The following DNAH6 variants were observed in gnomAD, a reference collection of about 807,000 sequenced individuals.
DNAH6 encodes the protein dynein axonemal heavy chain 6, also known as axonemal beta dynein heavy chain 6.
In DNAH6, 340 loss-of-function variants were observed where a neutral mutation model predicts 491.4. That is an observed-to-expected ratio of 0.69 (90% CI 0.63 to 0.76). DNAH6 has a LOEUF of 0.76. Among genes scored for constraint, DNAH6 ranks in the 30% least tolerant of loss-of-function variants. The probability of loss-of-function intolerance (pLI) is 0.00; values close to 1 mark genes in which losing one functional copy is unlikely to be tolerated. For synonymous variants in DNAH6, 1,603 were observed against 1,686.1 expected (o/e 0.95, Z 1.21); for missense variants, 4,443 against 4,972.2 (o/e 0.89, Z 3.20).
At chr2:84,711,747 C>T (rs1697066810) in intron 56 of DNAH6, among the ~76,000 whole-genome samples, 1 of 152,192 alleles carries the variant, frequency 6.6e-6, no homozygotes, top group Non-Finnish European at 1.5e-5. Context: ...CCACAAAGAG[C>T]ACAAGGGACC....
At position 84,577,341 on chromosome 2, in the gene DNAH6, G is replaced by T; in HGVS notation, c.2009G>T (p.Gly670Val). Residue 670 changes from glycine (G) to valine (V), a missense_variant, in exon 13 of 77, where the codon GGA becomes GTA. Gly to Val is a moderately radical substitution (Grantham distance 109). Transcript: ENST00000389394. ...AVALRPTRNVGLLLIDTRLLR... is the reference protein window; with the variant it reads ...AVALRPTRNVVLLLIDTRLLR... ...GCGCTCAGACCCACCAGAAATGTAG[G>T]ATTGCTGCTCATTGATACTAGGCTT... 1 of 1,612,040 alleles carries T rather than the reference G, an allele frequency of 6.2e-7. No homozygotes were observed. Among genetic ancestry groups the T allele is most frequent in the Non-Finnish European group, 8.5e-7 (1 of 1,178,944 alleles).
intron 75 of DNAH6, 47 bp downstream of exon 75, chr2:84,814,169 T>A (rs1209355383): frequency 6.5e-7 from 1 of 1,528,810 alleles, no homozygotes. Context: ...TATCCCACTG[T>A]CTTTGAAGAT....
intron 12 of DNAH6, among the ~76,000 whole-genome samples, chr2:84,576,048 TG>T (rs1281569940): frequency 1.3e-5 from 2 of 152,234 alleles, no homozygotes; most frequent in Non-Finnish European, 2.9e-5. Context: ...TCATTGGCAC[TG>T]TTCTGAGGGA....
chr2:84,650,505 T>G (rs1319312304), intron 33 of DNAH6, among the ~76,000 whole-genome samples: 1 of 152,150 alleles, frequency 6.6e-6, no homozygotes, highest in Non-Finnish European at 1.5e-5. Context: ...TCTGTATTTT[T>G]TTTTTTTGGC....
At chr2:84,690,014 A>G (rs1694689429) in intron 45 of DNAH6, among the ~76,000 whole-genome samples, 1 of 152,198 alleles carries the variant, frequency 6.6e-6, no homozygotes, top group South Asian at 2.1e-4. Context: ...TCCAGTCTTC[A>G]CATACTGAGC....
chr2:84,521,314 T>A (rs1188480072), intron 2 of DNAH6, among the ~76,000 whole-genome samples: 3 of 152,104 alleles, frequency 2.0e-5, no homozygotes, highest in African/African-American at 7.2e-5. Flanking sequence ...CACTTTTTAA[T>A]GGGTTTGTTT....
At chr2:84,711,784 C>T (rs1358046385) in intron 56 of DNAH6, among the ~76,000 whole-genome samples, 2 of 152,192 alleles carry the variant, frequency 1.3e-5, no homozygotes, top group South Asian at 4.1e-4. Flanking sequence ...TGGCCTTGAC[C>T]AACACAAGGG....
intron 21 of DNAH6, among the ~76,000 whole-genome samples, chr2:84,608,457 C>T (rs570735754): frequency 2.0e-5 from 3 of 152,274 alleles, no homozygotes; most frequent in Admixed American, 1.3e-4. Context: ...GGCTGCAGAA[C>T]GGATGTTGTG....
chr2:84,732,419 G>T (rs564429784), intron 61 of DNAH6, among the ~76,000 whole-genome samples: 15 of 152,242 alleles, frequency 9.9e-5, no homozygotes, highest in Non-Finnish European at 1.8e-4. Flanking sequence ...ATAAAATGTG[G>T]TATATTTATA....
At chr2:84,484,174 T>C in the DNAH6 span, among the ~76,000 whole-genome samples, 1 of 152,268 alleles carries the variant, frequency 6.6e-6, no homozygotes, top group African/African-American at 2.4e-5. Context: ...TCTGGGTTGC[T>C]GACATCTGCA....
At position 84,720,482 on chromosome 2, in the gene DNAH6, T is replaced by G. The variant is rs528204997; in HGVS notation, c.9792+2098T>G. Among the ~76,000 whole-genome samples the G allele has an allele frequency of 2.1e-4, 31 of 151,016 alleles. No homozygotes were observed. The East Asian group carries it at 4.7e-3, about 23-fold the overall frequency. On this transcript the variant is annotated intron_variant, in intron 59 of 76. Transcript: ENST00000389394. ...TTTAGTAGAGACGGGGTTTCACCGTTTTAGCTGGGATGGTCTTGATCTCCT... is the reference window on the plus strand; with the variant it reads ...TTTAGTAGAGACGGGGTTTCACCGTGTTAGCTGGGATGGTCTTGATCTCCT...
chr2:84,775,378 T>C (rs547974960), intron 64 of DNAH6, among the ~76,000 whole-genome samples: 9 of 152,288 alleles, frequency 5.9e-5, no homozygotes, highest in Middle Eastern at 3.4e-3. Context: ...TCATGGTGAA[T>C]TAACTTTTTA....
chr2:84,749,832 CTA>C (rs1414774165), intron 63 of DNAH6, among the ~76,000 whole-genome samples: 2 of 152,164 alleles, frequency 1.3e-5, no homozygotes, highest in Non-Finnish European at 2.9e-5. Flanking sequence ...AAATTATAGA[CTA>C]TGAAAATTTT....
At chr2:84,607,632 A>G (rs1277305197) in intron 21 of DNAH6, among the ~76,000 whole-genome samples, 1 of 152,198 alleles carries the variant, frequency 6.6e-6, no homozygotes, top group Non-Finnish European at 1.5e-5. Flanking sequence ...CCCTGAATCT[A>G]AAATATAAGT....
intron 41 of DNAH6, 124 bp from the exon 42 acceptor site, chr2:84,681,233 C>A (rs1693747131): frequency 2.5e-6 from 2 of 785,822 alleles, no homozygotes; most frequent in South Asian, 2.2e-5. Context: ...GCTTTGATAC[C>A]AGAAGACTTT....
chr2:84,610,005 G>A (rs1431515369), intron 21 of DNAH6, among the ~76,000 whole-genome samples: 3 of 152,090 alleles, frequency 2.0e-5, no homozygotes, highest in Admixed American at 1.3e-4. Context: ...TTTAACTGAG[G>A]CCTCTTGCTC....
chr2:84,659,609 T>C (rs1472486267), intron 37 of DNAH6, among the ~76,000 whole-genome samples: 1 of 152,124 alleles, frequency 6.6e-6, no homozygotes, highest in East Asian at 1.9e-4. Flanking sequence ...AGGAGAAAAA[T>C]TAGAATGCAC....
intron 64 of DNAH6, among the ~76,000 whole-genome samples, chr2:84,768,448 G>A (rs1267643409): frequency 6.6e-6 from 1 of 151,422 alleles, no homozygotes; most frequent in Non-Finnish European, 1.5e-5. Flanking sequence ...AAAAACTTTT[G>A]CCAATGAATT....
chr2:84,705,789 A>G lies in DNAH6; in HGVS notation c.8727+42A>G. Reference sequence around the variant, plus strand: ...GTGATATTTTATAGAATTGAAGGCCATGATCGCCAGTCATTTCAAGTTCTC... The same window carrying G: ...GTGATATTTTATAGAATTGAAGGCCGTGATCGCCAGTCATTTCAAGTTCTC... On this transcript the variant is annotated intron_variant, in intron 52 of 76. Coordinates refer to ENST00000389394, the MANE Select transcript of DNAH6 (RefSeq NM_001370.2). 3 of 1,513,294 alleles carry G rather than the reference A, an allele frequency of 2.0e-6. No homozygotes were observed. The South Asian group carries it at 3.8e-5, about 19-fold the overall frequency. 93.7% of individuals were successfully genotyped at this position (1,513,294 alleles called of 1,614,324 possible). A position where few individuals can be genotyped will look rare whatever the true frequency, so the allele number is the denominator to read the frequency against.
Sources: gnomAD v4.1 joint callset for allele counts (sites outside exome capture counted in the v4.1 genomes callset) on GRCh38, gnomAD v4.1.1 for gene constraint, MANE v1.5 for transcripts, NCBI Gene and HGNC (gene_info 2026-07-23, HGNC 2026-07-21) for gene names.